The following DLGAP2 variants were observed in gnomAD, a reference collection of about 807,000 sequenced individuals.
DLGAP2 encodes disks large-associated protein 2.
A neutral mutation model predicts 100.3 loss-of-function variants in DLGAP2; 26 were observed. The observed-to-expected ratio is 0.26, with a 90% confidence interval of 0.19 to 0.36. DLGAP2 has a LOEUF of 0.36. Among genes scored for constraint, DLGAP2 ranks in the 10% least tolerant of loss-of-function variants. The pLI is 1.00. For missense variants in DLGAP2, 1,858 were observed against 1,453.2 expected (o/e 1.28, Z -4.53); for synonymous variants, 886 against 630.1 (o/e 1.41, Z -6.08).
intron 2 of DLGAP2, among the ~76,000 whole-genome samples, chr8:1,255,580 T>C (rs1309001329): frequency 7.4e-6 from 1 of 134,768 alleles, no homozygotes; most frequent in South Asian, 2.5e-4. Context: ...GTGTGTCCTT[T>C]CCTGCCTGAG....
intron 4 of DLGAP2, among the ~76,000 whole-genome samples, chr8:1,505,657 T>C (rs946502773): frequency 9.2e-5 from 14 of 152,322 alleles, no homozygotes; most frequent in Non-Finnish European, 1.5e-4. Context: ...AATGAATTAA[T>C]GTAGCACATT....
At chr8:770,401 G>C (rs1284802425) in intron 1 of DLGAP2, among the ~76,000 whole-genome samples, 1 of 152,190 alleles carries the variant, frequency 6.6e-6, no homozygotes, top group Non-Finnish European at 1.5e-5. Context: ...CAGTTTGTCT[G>C]TGACTTAAGA....
intron 2 of DLGAP2, among the ~76,000 whole-genome samples, chr8:1,152,865 A>G (rs1233993812): frequency 6.6e-6 from 1 of 152,166 alleles, no homozygotes; most frequent in East Asian, 1.9e-4. Flanking sequence ...ACAGCCATTT[A>G]TCTTGCACAC....
chr8:1,182,829 C>T (rs1352852558), intron 2 of DLGAP2, among the ~76,000 whole-genome samples: 2 of 152,256 alleles, frequency 1.3e-5, no homozygotes, highest in South Asian at 2.1e-4. Flanking sequence ...GGCAGTGGCG[C>T]GTGGGGGACG....
chr8:1,437,325 T>C (rs974646398), intron 3 of DLGAP2, among the ~76,000 whole-genome samples: 1 of 152,230 alleles, frequency 6.6e-6, no homozygotes, highest in Non-Finnish European at 1.5e-5. Context: ...ATCAGTGCGC[T>C]CCACAATGCT....
chr8:876,483 C>T (rs1476431661), intron 1 of DLGAP2, among the ~76,000 whole-genome samples: 3 of 152,248 alleles, frequency 2.0e-5, no homozygotes, highest in African/African-American at 7.2e-5. Context: ...TCTACTGTTT[C>T]TGCTGAGAAG....
chr8:1,314,313 T>G (rs62483954), intron 3 of DLGAP2, among the ~76,000 whole-genome samples: 50,102 of 151,854 alleles, frequency 0.33, 10,132 homozygotes, highest in African/African-American at 0.57. Flanking sequence ...GCACCTGGAA[T>G]TCCAACTTCA....
At chr8:749,949 C>T (rs745644813) in intron 1 of DLGAP2, among the ~76,000 whole-genome samples, 1 of 152,198 alleles carries the variant, frequency 6.6e-6, no homozygotes, top group African/African-American at 2.4e-5. Flanking sequence ...CACGTGGCCT[C>T]CTCCTCTTCT....
intron 1 of DLGAP2, among the ~76,000 whole-genome samples, chr8:860,313 G>T (rs1797364974): frequency 1.3e-5 from 2 of 152,192 alleles, no homozygotes. Context: ...CCAACCACTG[G>T]CTGCCGCTGC....
intron 3 of DLGAP2, among the ~76,000 whole-genome samples, chr8:1,319,281 A>G (rs527562846): frequency 1.3e-5 from 2 of 152,248 alleles, no homozygotes; most frequent in East Asian, 3.9e-4. Flanking sequence ...CTCTGCCACA[A>G]TGTGTGCTGG....
intron 2 of DLGAP2, among the ~76,000 whole-genome samples, chr8:1,091,944 G>C (rs1265873531): frequency 2.0e-5 from 3 of 152,092 alleles, no homozygotes; most frequent in Non-Finnish European, 4.4e-5. Flanking sequence ...CAGCCTCTGG[G>C]AGTTCCATGT....
At chr8:1,376,767 T>TGCC (rs1795940522) in intron 3 of DLGAP2, among the ~76,000 whole-genome samples, 2 of 149,122 alleles carry the variant, frequency 1.3e-5, no homozygotes, top group African/African-American at 4.9e-5. Context: ...GGGACAGGGC[T>TGCC]ACCGAGACCC....
chr8:1,000,690 T>A (rs1234931108), intron 2 of DLGAP2, among the ~76,000 whole-genome samples: 1 of 152,244 alleles, frequency 6.6e-6, no homozygotes, highest in Non-Finnish European at 1.5e-5. Context: ...TGCTTTGATG[T>A]GGATAAATTC....
intron 1 of DLGAP2, among the ~76,000 whole-genome samples, chr8:903,408 A>G (rs1016335343): frequency 6.6e-6 from 1 of 152,094 alleles, no homozygotes; most frequent in Non-Finnish European, 1.5e-5. Flanking sequence ...ATGTCAGCTC[A>G]ATACATGTGC....
intron 3 of DLGAP2, among the ~76,000 whole-genome samples, chr8:1,474,780 G>T (rs983647101): frequency 2.1e-4 from 32 of 152,218 alleles, no homozygotes; most frequent in Admixed American, 2.0e-3. Flanking sequence ...TACACTGCCA[G>T]TGCGAGCGTA....
intron 3 of DLGAP2, among the ~76,000 whole-genome samples, chr8:1,492,905 T>G (rs1213416620): frequency 6.6e-6 from 1 of 151,864 alleles, no homozygotes; most frequent in Non-Finnish European, 1.5e-5. Flanking sequence ...TCCACACATC[T>G]TCAGAGGTAC....
intron 5 of DLGAP2, among the ~76,000 whole-genome samples, chr8:1,555,364 C>T (rs1016715215): frequency 1.3e-5 from 2 of 152,186 alleles, no homozygotes; most frequent in African/African-American, 2.4e-5. Context: ...TGTGCCTGCC[C>T]CCCACACTCT....
chr8:1,301,575 C>G (rs955047928), intron 3 of DLGAP2: 1 of 152,194 alleles, frequency 6.6e-6, no homozygotes, highest in Non-Finnish European at 1.5e-5. Context: ...TTGATGGTCC[C>G]GATCCTGCCT....
At chr8:1,287,480 GTGTGTGTGTGTGTGTGGTTCT>G in intron 3 of DLGAP2, among the ~76,000 whole-genome samples, 5 of 54,158 alleles carry the variant, frequency 9.2e-5, no homozygotes, top group South Asian at 5.0e-4. Flanking sequence ...GCGTGTGTGT[GTGTGTGTGTGTGTGTGGTTCT>G]GTTAGGAGGG....
Sources: gnomAD v4.1 joint callset for allele counts (sites outside exome capture counted in the v4.1 genomes callset) on GRCh38, gnomAD v4.1.1 for gene constraint, MANE v1.5 for transcripts, NCBI Gene and HGNC (gene_info 2026-07-23, HGNC 2026-07-21) for gene names.